Variants in PARVA observed in about 807,000 individuals in gnomAD.
The protein encoded by PARVA is alpha-parvin.
Under a neutral mutation model 52.6 loss-of-function variants are expected in PARVA, and 25 were observed. The ratio of observed to expected loss-of-function variants is 0.48; its 90% CI spans 0.35 to 0.66. The LOEUF (loss-of-function observed/expected upper bound fraction) is 0.66. Among genes scored for constraint, PARVA ranks in the 30% least tolerant of loss-of-function variants. The pLI is 0.01. For synonymous variants in PARVA, 185 were observed against 179.1 expected, an observed-to-expected ratio of 1.03 and a Z score of -0.26; for missense variants, 373 against 450.9, an observed-to-expected ratio of 0.83 and a Z score of 1.56.
chr11:12,379,148 G>A (rs1939448227), intron 1 of PARVA, among the ~76,000 whole-genome samples: 1 of 152,178 alleles, frequency 6.6e-6, no homozygotes, highest in Admixed American at 6.5e-5. Context: ...CAGTGAGGAC[G>A]ACCAGAGGTC....
chr11:12,408,753 A>C (rs11022343), intron 1 of PARVA, among the ~76,000 whole-genome samples: 1 of 152,216 alleles, frequency 6.6e-6, no homozygotes, highest in African/African-American at 2.4e-5. Context: ...TTCTGACCCC[A>C]TGGACCAGAC....
chr11:12,474,147 GTAACCGA>G (rs1234181618), intron 3 of PARVA, among the ~76,000 whole-genome samples, 164 bp downstream of exon 3: 1 of 152,066 alleles, frequency 6.6e-6, no homozygotes, highest in African/African-American at 2.4e-5. Context: ...CATCGAAAAC[GTAACCGA>G]TTGTTTAAGT....
intron 1 of PARVA, among the ~76,000 whole-genome samples, chr11:12,468,995 T>C (rs1024523311): frequency 6.6e-6 from 1 of 152,052 alleles, no homozygotes; most frequent in African/African-American, 2.4e-5. Context: ...TTTAAACCAA[T>C]AGCGGCTTTA....
At chr11:12,419,486 G>T (rs1940116975) in intron 1 of PARVA, among the ~76,000 whole-genome samples, 1 of 152,190 alleles carries the variant, frequency 6.6e-6, no homozygotes, top group Non-Finnish European at 1.5e-5. Context: ...TCCATTGTAT[G>T]TGTATACCAC....
chr11:12,415,134 G>A (rs1202786017), intron 1 of PARVA, among the ~76,000 whole-genome samples: 2 of 151,024 alleles, frequency 1.3e-5, no homozygotes, highest in African/African-American at 2.4e-5. Context: ...TCATGACTTA[G>A]GGAGAGAGTT....
intron 1 of PARVA, among the ~76,000 whole-genome samples, chr11:12,426,750 C>T (rs147853942): frequency 6.6e-6 from 1 of 152,112 alleles, no homozygotes; most frequent in Non-Finnish European, 1.5e-5. Flanking sequence ...CTAAGCTCTG[C>T]CCGCTGCCTG....
In PARVA at chr11:12,388,817, G is replaced by A. The variant is rs151014607; in HGVS notation, c.136+11034G>A. Among the ~76,000 whole-genome samples, 38 of 151,686 alleles carry A rather than the reference G, an allele frequency of 2.5e-4. No individual in the cohort carries two copies. The East Asian group carries it at 6.0e-3, about 24-fold the overall frequency. On this transcript the variant is annotated intron_variant, in intron 1 of 12. Transcript: ENST00000334956. ...AATCTTATTAAACACAATTTTATAG[G>A]CACATAATACTCCATTGAGTGATTA...
chr11:12,381,859 A>G (rs116120889), intron 1 of PARVA, among the ~76,000 whole-genome samples: 1,550 of 152,218 alleles, frequency 0.01, 26 homozygotes, highest in African/African-American at 0.036. Flanking sequence ...AAGCAATTCA[A>G]CTTTTCTTAT....
At chr11:12,425,707 T>A (rs999653099) in intron 1 of PARVA, among the ~76,000 whole-genome samples, 2 of 152,210 alleles carry the variant, frequency 1.3e-5, no homozygotes, top group African/African-American at 4.8e-5. Flanking sequence ...AATATCCCTG[T>A]AGGGATGGGG....
chr11:12,511,472 CAAGAG>C (rs1564867117), intron 7 of PARVA, 37 bp from the exon 8 acceptor site: 1 of 1,602,454 alleles, frequency 6.2e-7, no homozygotes, highest in Non-Finnish European at 8.5e-7. Context: ...TTATAAGGGA[CAAGAG>C]AAGAGTCACA....
chr11:12,514,590 C>T (rs553414744), intron 10 of PARVA, among the ~76,000 whole-genome samples: 2 of 152,172 alleles, frequency 1.3e-5, no homozygotes, highest in African/African-American at 4.8e-5. Flanking sequence ...CAGGTTCAAG[C>T]GATTCTCCTG....
intron 1 of PARVA, among the ~76,000 whole-genome samples, chr11:12,396,959 T>TCTTTC (rs962399814): frequency 1.6e-4 from 24 of 152,094 alleles, no homozygotes; most frequent in East Asian, 5.8e-4. Context: ...GTACTTGTTT[T>TCTTTC]CTTTCCTTTC....
In PARVA at chr11:12,477,876, G is replaced by C. The variant is rs776941305; in HGVS notation, c.327G>C (p.Leu109Phe). 1.9e-6 allele frequency: 3 copies of C among 1,604,058 alleles called. No homozygotes were observed. The African/African-American group carries it at 4.0e-5, about 21-fold the overall frequency. ...TAATTGACTGGATTAATGATGTGTT[G>C]GTTGGAGAAAGAATCATTGTGAAAG... is the stretch of plus-strand genomic sequence containing the variant. ...KVLIDWINDV[L>F]VGERIIVKDL... Residue 109 changes from leucine to phenylalanine, a missense_variant, in exon 4 of 13, where the codon TTG becomes TTC. Physicochemically the swap from Leu to Phe is conservative, Grantham distance 22 (BLOSUM62 0). Coordinates refer to ENST00000334956, the MANE Select transcript of PARVA (RefSeq NM_018222.5).
At chr11:12,394,035 G>A (rs1390810688) in intron 1 of PARVA, among the ~76,000 whole-genome samples, 1 of 152,208 alleles carries the variant, frequency 6.6e-6, no homozygotes, top group East Asian at 1.9e-4. Context: ...TCAAGTATTT[G>A]CCCTATGCCA....
intron 5 of PARVA, among the ~76,000 whole-genome samples, chr11:12,502,610 C>A (rs1941376872): frequency 1.3e-5 from 2 of 152,048 alleles, no homozygotes; most frequent in South Asian, 4.1e-4. Context: ...CCATTCCTGG[C>A]CACCTGTTGT....
At position 12,532,818 on chromosome 11, in the gene PARVA, T is replaced by C. The variant is rs1210594286; in HGVS notation, c.*4893T>C. On this transcript the variant is annotated 3_prime_UTR_variant, in exon 13 of 13. Transcript: ENST00000334956. Reference sequence around the variant, plus strand: ...CCCAGAGGAGTGCGGAAAGCCAGCATGGCTAGAGGACACAGAATGAGGGAG... The same window carrying C: ...CCCAGAGGAGTGCGGAAAGCCAGCACGGCTAGAGGACACAGAATGAGGGAG... Among the ~76,000 whole-genome samples, 3 of 152,262 alleles carry C rather than the reference T, an allele frequency of 2.0e-5. No individual in the cohort carries two copies. The highest frequency in any genetic ancestry group is 4.1e-4 in the South Asian group (2 of 4,820).
Position 12,528,118 on chromosome 11 carries a change from T to C in PARVA, c.*193T>C, listed in dbSNP as rs1405209990. 2 of 574,780 alleles carry C rather than the reference T, an allele frequency of 3.5e-6. No individual in the cohort carries two copies. The highest frequency in any genetic ancestry group is 6.2e-6 in the Non-Finnish European group (2 of 320,024). The allele number at this position is 574,780 out of a possible 1,614,324, so 35.6% of individuals were successfully genotyped here. A position where few individuals can be genotyped will look rare whatever the true frequency, so the allele number is the denominator to read the frequency against. On this transcript the variant is annotated 3_prime_UTR_variant, in exon 13 of 13. Coordinates refer to ENST00000334956, the MANE Select transcript of PARVA (RefSeq NM_018222.5). ...ATAACTCAGTGGGCTGACCCATCCCTCCCAGGCGCTGGGGACCAACCTAGC... is the reference window on the plus strand; with the variant it reads ...ATAACTCAGTGGGCTGACCCATCCCCCCCAGGCGCTGGGGACCAACCTAGC...
chr11:12,526,459 T>G (rs1373501670), intron 12 of PARVA, among the ~76,000 whole-genome samples: 3 of 152,154 alleles, frequency 2.0e-5, no homozygotes, highest in South Asian at 4.1e-4. Context: ...CATACAGTTG[T>G]TTTTTAATCA....
At chr11:12,392,331 C>T (rs1939671254) in intron 1 of PARVA, among the ~76,000 whole-genome samples, 1 of 148,722 alleles carries the variant, frequency 6.7e-6, no homozygotes, top group South Asian at 2.1e-4. Context: ...TGCAGTGGCG[C>T]GATGTCAGCT....
Sources: gnomAD v4.1 joint callset for allele counts (sites outside exome capture counted in the v4.1 genomes callset) on GRCh38, gnomAD v4.1.1 for gene constraint, MANE v1.5 for transcripts, NCBI Gene and HGNC (gene_info 2026-07-23, HGNC 2026-07-21) for gene names.